GNPTAB: variants seen among roughly 807,000 people sequenced by gnomAD.
GNPTAB encodes the protein N-acetylglucosamine-1-phosphotransferase subunits alpha/beta.
GNPTAB carries 92 observed loss-of-function variants against 136.6 expected under a neutral mutation model. That is an observed-to-expected ratio of 0.67 (90% confidence interval 0.57 to 0.80). The LOEUF (loss-of-function observed/expected upper bound fraction) is 0.80, where lower values mean the gene tolerates loss of function less well. Ranked by LOEUF, GNPTAB falls within the 30% of genes least tolerant of loss-of-function variation. The pLI, the probability that GNPTAB is intolerant of heterozygous loss-of-function variation, is 0.00. For synonymous variants in GNPTAB, 512 were observed against 535.1 expected (o/e 0.96, Z 0.60); for missense variants, 1,343 against 1,501.8 (o/e 0.89, Z 1.75).
At chr12:101,798,783 TAG>T (rs528186155) in intron 1 of GNPTAB, among the ~76,000 whole-genome samples, 152 of 152,330 alleles carry the variant, frequency 1.0e-3, no homozygotes, top group African/African-American at 3.6e-3. Context: ...TTTGTCTCTC[TAG>T]TAAACTGCAT....
chr12:101,761,350 T>G lies in GNPTAB; in HGVS notation c.2916-4A>C, dbSNP rs760897900. 13 of 1,612,178 alleles carry G rather than the reference T, an allele frequency of 8.1e-6. No individual in the cohort carries two copies. The highest frequency in any genetic ancestry group is 1.6e-4 in the Middle Eastern group (1 of 6,082). ...CTTGTCAAATTCTTCAGGGAACCTGTCCAAATATAACATATTACAAACTCT... is the reference window on the plus strand; with the variant it reads ...CTTGTCAAATTCTTCAGGGAACCTGGCCAAATATAACATATTACAAACTCT... On this transcript the variant is annotated splice_polypyrimidine_tract_variant and splice_region_variant and intron_variant, in intron 14 of 20. Coordinates refer to ENST00000299314, the MANE Select transcript of GNPTAB (RefSeq NM_024312.5).
At chr12:101,760,883 GT>G (rs1166328158) in intron 15 of GNPTAB, among the ~76,000 whole-genome samples, 2 of 151,308 alleles carry the variant, frequency 1.3e-5, no homozygotes, top group Non-Finnish European at 2.9e-5. Flanking sequence ...AGGGTGAAGC[GT>G]TTCTCCTGTC....
chr12:101,771,510 C>T (rs1275076458), intron 7 of GNPTAB, among the ~76,000 whole-genome samples: 1 of 152,206 alleles, frequency 6.6e-6, no homozygotes, highest in Non-Finnish European at 1.5e-5. Context: ...TCCCAAAGTG[C>T]TGGGATTACA....
intron 19 of GNPTAB, 26 bp from the exon 20 acceptor site, chr12:101,749,217 T>TACAGAA: frequency 1.5e-6 from 2 of 1,301,322 alleles, no homozygotes; most frequent in African/African-American, 1.5e-5. Flanking sequence ...AAAGCAACTA[T>TACAGAA]GTACTTCTGT....
At chr12:101,758,154 TCA>T (rs1952930847) in intron 16 of GNPTAB, among the ~76,000 whole-genome samples, 1 of 152,014 alleles carries the variant, frequency 6.6e-6, no homozygotes, top group African/African-American at 2.4e-5. Flanking sequence ...TTCTCCTGTC[TCA>T]GTTTCCCGAG....
At chr12:101,811,084 G>A (rs1302449633) in intron 1 of GNPTAB, among the ~76,000 whole-genome samples, 1 of 152,216 alleles carries the variant, frequency 6.6e-6, no homozygotes, top group Admixed American at 6.5e-5. Context: ...GGTCCCTGGA[G>A]GATGAGAGAC....
chr12:101,761,728 GAAGTAT>G lies in GNPTAB; in HGVS notation c.2745_2750del (p.Tyr916_Phe917del), dbSNP rs1277911354. 4 of 1,613,668 alleles carry G rather than the reference GAAGTAT, an allele frequency of 2.5e-6. No homozygotes were observed. Among genetic ancestry groups the G allele is most frequent in the Non-Finnish European group, 3.4e-6 (4 of 1,179,608 alleles). ...GCCTCCCAGTATTTTTGCTATCAGT[GAAGTAT>G]GCCAATTGTGTCTTCAATGACTCTT... is the stretch of plus-strand genomic sequence containing the variant. On this transcript the variant is annotated inframe_deletion, in exon 14 of 21. Transcript: ENST00000299314.
intron 2 of GNPTAB, among the ~76,000 whole-genome samples, chr12:101,795,473 CCGA>C: frequency 6.6e-6 from 1 of 152,082 alleles, no homozygotes; most frequent in African/African-American, 2.4e-5. Context: ...TGAGAATAGG[CCGA>C]GAGCGGTGAT....
Position 101,789,964 on chromosome 12 carries a change from C to G in GNPTAB, c.297G>C (p.Gln99His), listed in dbSNP as rs1868886079. The G allele has an allele frequency of 6.2e-7, 1 of 1,614,196 alleles. No individual in the cohort carries two copies. The highest frequency in any genetic ancestry group is 8.5e-7 in the Non-Finnish European group (1 of 1,180,022). ...LLKELQQVRE[Q>H]MEEEQKAMRE... ...TCATTGCTTTCTGCTCCTCCTCCATCTGTTCTCTGACCTGCTGTAGTTCCT... is the reference window on the plus strand; with the variant it reads ...TCATTGCTTTCTGCTCCTCCTCCATGTGTTCTCTGACCTGCTGTAGTTCCT... Residue 99 changes from glutamine to histidine, a missense_variant, in exon 3 of 21, where the codon CAG becomes CAC. Transcript: ENST00000299314.
At position 101,791,334 on chromosome 12, in the gene GNPTAB, C is replaced by T. The variant is rs73392502; in HGVS notation, c.204-1277G>A. ...CTTATGACACAGGAGTTCATGTGTA[C>T]ATCTGGGTACTGATACTACTTTAGA... On this transcript the variant is annotated intron_variant, in intron 2 of 20. Coordinates refer to ENST00000299314, the MANE Select transcript of GNPTAB (RefSeq NM_024312.5). 5.8e-3 allele frequency among the ~76,000 whole-genome samples: 881 copies of T among 152,216 alleles called. 10 individuals carry two copies. The highest frequency in any genetic ancestry group is 0.02 in the African/African-American group (829 of 41,496).
chr12:101,769,442 G>A (rs1375953570), intron 10 of GNPTAB, among the ~76,000 whole-genome samples: 3 of 152,054 alleles, frequency 2.0e-5, no homozygotes, highest in Admixed American at 2.0e-4. Context: ...TTCTGCTATC[G>A]TAGTAGAAAA....
chr12:101,792,838 C>T (rs2137154073), intron 2 of GNPTAB, among the ~76,000 whole-genome samples: 1 of 152,280 alleles, frequency 6.6e-6, no homozygotes, highest in South Asian at 2.1e-4. Flanking sequence ...TCCTCTCTTT[C>T]CTACACCTTC....
At chr12:101,804,971 T>C (rs1333891432) in intron 1 of GNPTAB, among the ~76,000 whole-genome samples, 1 of 152,168 alleles carries the variant, frequency 6.6e-6, no homozygotes, top group Admixed American at 6.5e-5. Flanking sequence ...ATAGGATGTA[T>C]AAGGTATTAA....
chr12:101,769,121 A>G (rs1189202785), intron 10 of GNPTAB, among the ~76,000 whole-genome samples: 4 of 151,964 alleles, frequency 2.6e-5, no homozygotes, highest in Non-Finnish European at 4.4e-5. Context: ...ATAACTTCTA[A>G]GTTTACGGTG....
chr12:101,793,038 C>T (rs970516300), intron 2 of GNPTAB, among the ~76,000 whole-genome samples: 1 of 152,140 alleles, frequency 6.6e-6, no homozygotes, highest in African/African-American at 2.4e-5. Flanking sequence ...ACACACTTCG[C>T]TTTTTTTCCC....
chr12:101,807,695 C>T (rs972194799), intron 1 of GNPTAB, among the ~76,000 whole-genome samples: 2 of 152,042 alleles, frequency 1.3e-5, no homozygotes, highest in Admixed American at 1.3e-4. Context: ...TTCTGGAGGC[C>T]CAGACTGGTG....
chr12:101,809,797 G>A (rs1450523792), intron 1 of GNPTAB, among the ~76,000 whole-genome samples: 2 of 152,178 alleles, frequency 1.3e-5, no homozygotes, highest in Non-Finnish European at 2.9e-5. Flanking sequence ...AACAACTGCA[G>A]GGCAGTGAAA....
Position 101,747,733 on chromosome 12 carries a change from G to A in GNPTAB, c.3694-492C>T, listed in dbSNP as rs569910086. Among the ~76,000 whole-genome samples the A allele has an allele frequency of 9.2e-5, 7 of 75,976 alleles. No individual in the cohort carries two copies. In the South Asian group the frequency reaches 3.3e-3, roughly 36 times the overall value. The allele number at this position is 75,976 out of a possible 152,430, so 49.8% of individuals were successfully genotyped here. ...AATGATGAGCTGGAATTTGGGAGGG[G>A]AGGAAGAGGCAGCATTGGCTGCTTT... On this transcript the variant is annotated intron_variant, in intron 20 of 20. Coordinates refer to ENST00000299314, the MANE Select transcript of GNPTAB (RefSeq NM_024312.5).
intron 1 of GNPTAB, among the ~76,000 whole-genome samples, chr12:101,812,493 T>C (rs1250019068): frequency 3.3e-5 from 5 of 152,002 alleles, no homozygotes; most frequent in Non-Finnish European, 5.9e-5. Flanking sequence ...CAGTGGCTCA[T>C]ACATGTAATC....
Sources: gnomAD v4.1 joint callset for allele counts (sites outside exome capture counted in the v4.1 genomes callset) on GRCh38, gnomAD v4.1.1 for gene constraint, MANE v1.5 for transcripts, NCBI Gene and HGNC (gene_info 2026-07-23, HGNC 2026-07-21) for gene names.